PLXDC2: variants seen among roughly 807,000 people sequenced by gnomAD.
PLXDC2 encodes plexin domain-containing protein 2.
In PLXDC2, 40 loss-of-function variants were observed where a neutral mutation model predicts 68.9. The ratio of observed to expected loss-of-function variants is 0.58; its 90% CI spans 0.45 to 0.76. The LOEUF is 0.76. Ranked by LOEUF, PLXDC2 falls within the 30% of genes least tolerant of loss-of-function variation. PLXDC2 has a pLI of 0.00. For missense variants in PLXDC2, 644 were observed against 661.9 expected (o/e 0.97, Z 0.30); for synonymous variants, 243 against 234.2 (o/e 1.04, Z -0.34).
intron 6 of PLXDC2, among the ~76,000 whole-genome samples, chr10:20,162,742 T>C (rs1213982263): frequency 6.6e-6 from 1 of 152,038 alleles, no homozygotes; most frequent in Non-Finnish European, 1.5e-5. Flanking sequence ...CACATATTGA[T>C]ACTGAATTTA....
At chr10:19,928,656 G>C (rs1379771182) in intron 1 of PLXDC2, among the ~76,000 whole-genome samples, 1 of 151,762 alleles carries the variant, frequency 6.6e-6, no homozygotes, top group East Asian at 1.9e-4. Flanking sequence ...GCATTTGAGA[G>C]AAAGGAGAGT....
At chr10:20,200,727 A>G (rs1439853762) in intron 9 of PLXDC2, among the ~76,000 whole-genome samples, 1 of 152,142 alleles carries the variant, frequency 6.6e-6, no homozygotes, top group Non-Finnish European at 1.5e-5. Context: ...CTGAACAGAT[A>G]TTTCTCAAAA....
chr10:20,038,860 C>A (rs898236879), intron 2 of PLXDC2, among the ~76,000 whole-genome samples: 2 of 152,114 alleles, frequency 1.3e-5, no homozygotes, highest in Admixed American at 6.6e-5. Context: ...GGGGTGGGAA[C>A]TTTATCTCAC....
At chr10:19,927,924 G>A (rs1018322552) in intron 1 of PLXDC2, among the ~76,000 whole-genome samples, 1 of 151,988 alleles carries the variant, frequency 6.6e-6, no homozygotes, top group Non-Finnish European at 1.5e-5. Flanking sequence ...GTACCCAATA[G>A]GTAGTTTTTC....
intron 2 of PLXDC2, among the ~76,000 whole-genome samples, chr10:20,010,087 T>TTC (rs1335926011): frequency 6.6e-6 from 1 of 152,182 alleles, no homozygotes; most frequent in Admixed American, 6.5e-5. Context: ...TTGCCTGAAC[T>TTC]TCTGTTCCTT....
At chr10:20,189,692 A>G (rs1447038277) in intron 9 of PLXDC2, among the ~76,000 whole-genome samples, 1 of 151,090 alleles carries the variant, frequency 6.6e-6, no homozygotes, top group East Asian at 1.9e-4. Context: ...GAAAGATAGT[A>G]CTTGACTTAC....
chr10:20,080,674 C>T (rs1836537888), intron 4 of PLXDC2, among the ~76,000 whole-genome samples: 1 of 152,170 alleles, frequency 6.6e-6, no homozygotes, highest in Non-Finnish European at 1.5e-5. Flanking sequence ...GGTGGGTCTG[C>T]CTCTCCCAGT....
chr10:19,946,096 A>G (rs1201069417), intron 1 of PLXDC2, among the ~76,000 whole-genome samples: 2 of 152,236 alleles, frequency 1.3e-5, no homozygotes, highest in South Asian at 2.1e-4. Flanking sequence ...ATCATTATGA[A>G]TTGGTTGTGG....
intron 1 of PLXDC2, among the ~76,000 whole-genome samples, chr10:19,820,566 G>T (rs1313989694): frequency 6.6e-6 from 1 of 151,722 alleles, no homozygotes; most frequent in Non-Finnish European, 1.5e-5. Flanking sequence ...CCCGGGAAGC[G>T]GAGCTTGCAG....
At chr10:20,198,880 T>C in intron 9 of PLXDC2, among the ~76,000 whole-genome samples, 1 of 152,126 alleles carries the variant, frequency 6.6e-6, no homozygotes, top group East Asian at 1.9e-4. Context: ...TTAACTTGCT[T>C]CTTCATACTG....
intron 2 of PLXDC2, among the ~76,000 whole-genome samples, chr10:20,021,584 C>T (rs1835310032): frequency 6.6e-6 from 1 of 152,102 alleles, no homozygotes; most frequent in African/African-American, 2.4e-5. Flanking sequence ...AAGGCCACCC[C>T]CTCTTGTCTT....
intron 1 of PLXDC2, among the ~76,000 whole-genome samples, chr10:19,839,689 T>C (rs1822024397): frequency 6.6e-6 from 1 of 151,954 alleles, no homozygotes; most frequent in African/African-American, 2.4e-5. Flanking sequence ...TAGTACCTGA[T>C]CTGGGGCGTT....
rs535006881 is a variant in PLXDC2 at position 20,199,022 on chromosome 10, T to C, written c.1062-12647T>C. ...ATTATTCATGGATATCCTGTATTAT[T>C]TATTCTGTATAGAATTTTAAAACCT... On this transcript the variant is annotated intron_variant, in intron 9 of 13. Coordinates refer to ENST00000377252, the MANE Select transcript of PLXDC2 (RefSeq NM_032812.9). Among the ~76,000 whole-genome samples, 15 of 152,182 alleles carry C rather than the reference T, an allele frequency of 9.9e-5. No individual in the cohort carries two copies. In the East Asian group the frequency reaches 2.7e-3, roughly 27 times the overall value.
chr10:20,171,591 T>A (rs1269194183), intron 7 of PLXDC2, among the ~76,000 whole-genome samples: 1 of 152,208 alleles, frequency 6.6e-6, no homozygotes, highest in Non-Finnish European at 1.5e-5. Context: ...TGACTGACTC[T>A]GACTTGATTT....
chr10:20,101,254 A>C (rs1259051848), intron 4 of PLXDC2, among the ~76,000 whole-genome samples: 3 of 152,168 alleles, frequency 2.0e-5, no homozygotes, highest in Admixed American at 1.3e-4. Flanking sequence ...ATTTCAGTTC[A>C]GCTCAGCCAT....
rs191188067 is a variant in PLXDC2, at chr10:19,994,742, T to G, written c.113-7033T>G. On this transcript the variant is annotated intron_variant, in intron 1 of 13. Transcript: ENST00000377252. ...TTAACCTGGTTAATCATTCATTTATTGATTTTTTTTTTGTGTGTGTGACAG... is the reference window on the plus strand; with the variant it reads ...TTAACCTGGTTAATCATTCATTTATGGATTTTTTTTTTGTGTGTGTGACAG... Among the ~76,000 whole-genome samples the G allele has an allele frequency of 4.4e-3, 669 of 151,040 alleles. 6 individuals carry two copies. The highest frequency in any genetic ancestry group is 0.015 in the African/African-American group (624 of 41,204).
intron 4 of PLXDC2, among the ~76,000 whole-genome samples, chr10:20,126,879 T>TA (rs1288014362): frequency 6.8e-6 from 1 of 147,832 alleles, no homozygotes; most frequent in Non-Finnish European, 1.5e-5. Context: ...ATATAATATA[T>TA]GATATATACT....
intron 1 of PLXDC2, among the ~76,000 whole-genome samples, chr10:19,940,599 C>T (rs182952867): frequency 1.8e-4 from 27 of 148,140 alleles, no homozygotes; most frequent in African/African-American, 5.2e-4. Context: ...ATTTCTAAAA[C>T]AACTTTCTGA....
In PLXDC2 at chr10:20,171,177, T is replaced by TA. The variant is rs201308529; in HGVS notation, c.884-5821dup. On this transcript the variant is annotated intron_variant, in intron 7 of 13. Transcript: ENST00000377252. ...TCTTGGAAAAACTTGAACTTTTTTT[T>TA]ATTCTATAATATTTTCTAGAACCCA... Among the ~76,000 whole-genome samples the TA allele has an allele frequency of 9.3e-3, 1,411 of 152,242 alleles. 17 individuals carry two copies. Among genetic ancestry groups the TA allele is most frequent in the African/African-American group, 0.03 (1,226 of 41,552 alleles).
Sources: gnomAD v4.1 joint callset for allele counts (sites outside exome capture counted in the v4.1 genomes callset) on GRCh38, gnomAD v4.1.1 for gene constraint, MANE v1.5 for transcripts, NCBI Gene and HGNC (gene_info 2026-07-23, HGNC 2026-07-21) for gene names.